Variants in SPMIP2 observed in about 807,000 individuals in gnomAD.
The protein encoded by SPMIP2 is protein SPMIP2.
At chr4:158,916,476 A>G in the SPMIP2 span, among the ~76,000 whole-genome samples, 1 of 152,140 alleles carries the variant, frequency 6.6e-6, no homozygotes, top group Non-Finnish European at 1.5e-5. Flanking sequence ...CTGTGGTGGG[A>G]GGGAAGTGAC....
chr4:159,049,277 G>A, the SPMIP2 span, among the ~76,000 whole-genome samples: 9 of 152,056 alleles, frequency 5.9e-5, no homozygotes, highest in Admixed American at 2.0e-4. Flanking sequence ...CTGTTCTTTC[G>A]CTGCACACAA....
chr4:158,987,961 G>T, the SPMIP2 span, among the ~76,000 whole-genome samples: 1 of 152,002 alleles, frequency 6.6e-6, no homozygotes, highest in Non-Finnish European at 1.5e-5. Context: ...CCAGGAGCTG[G>T]TTTTTTGAAA....
chr4:158,895,892 GTCCCTTTGATAGGTA>G, the SPMIP2 span: 1 of 1,515,362 alleles, frequency 6.6e-7, no homozygotes, highest in Middle Eastern at 1.7e-4. Context: ...GCCGTCACTT[GTCCCTTTGATAGGTA>G]TCCCTAGCAT....
chr4:159,058,218 G>A, the SPMIP2 span, among the ~76,000 whole-genome samples: 4 of 147,996 alleles, frequency 2.7e-5, no homozygotes, highest in South Asian at 2.2e-4. Flanking sequence ...TTCTTGTTAC[G>A]GTTGTTTTGA....
the SPMIP2 span, among the ~76,000 whole-genome samples, chr4:158,952,292 C>T: frequency 6.6e-6 from 1 of 152,098 alleles, no homozygotes; most frequent in Admixed American, 6.6e-5. Flanking sequence ...AATTGTACTC[C>T]CATAATTCCC....
At chr4:158,927,584 G>A in the SPMIP2 span, among the ~76,000 whole-genome samples, 16 of 152,206 alleles carry the variant, frequency 1.1e-4, no homozygotes, top group African/African-American at 3.9e-4. Context: ...TCCTCTGCCT[G>A]GGCTCCCACT....
At chr4:159,001,693 T>G in the SPMIP2 span, among the ~76,000 whole-genome samples, 1 of 152,246 alleles carries the variant, frequency 6.6e-6, no homozygotes, top group African/African-American at 2.4e-5. Context: ...TTCTTATGGC[T>G]GCATAGTATT....
chr4:158,962,107 C>T, the SPMIP2 span, among the ~76,000 whole-genome samples: 1 of 152,104 alleles, frequency 6.6e-6, no homozygotes, highest in African/African-American at 2.4e-5. Context: ...AAGGGAAATA[C>T]CTGCTAACTA....
the SPMIP2 span, among the ~76,000 whole-genome samples, chr4:159,067,645 C>A: frequency 2.0e-5 from 3 of 152,070 alleles, no homozygotes; most frequent in Non-Finnish European, 4.4e-5. Flanking sequence ...CAACAAAAGC[C>A]AAAATTGACA....
chr4:158,923,530 C>T, the SPMIP2 span, among the ~76,000 whole-genome samples: 1 of 126,442 alleles, frequency 7.9e-6, no homozygotes, highest in Non-Finnish European at 1.6e-5. Flanking sequence ...GTATTCATTG[C>T]TAATGTAAAA....
chr4:158,895,567 C>T, the SPMIP2 span, among the ~76,000 whole-genome samples: 1 of 152,170 alleles, frequency 6.6e-6, no homozygotes, highest in Non-Finnish European at 1.5e-5. Context: ...CTTTGTTTTA[C>T]AAGAACCTAT....
At chr4:159,007,266 T>A in the SPMIP2 span, 22 of 1,283,658 alleles carry the variant, frequency 1.7e-5, no homozygotes, top group Non-Finnish European at 2.3e-5. Flanking sequence ...TCTTGCAAGG[T>A]ACTGCCTCAA....
the SPMIP2 span, among the ~76,000 whole-genome samples, chr4:159,075,786 C>T: frequency 7.2e-6 from 1 of 138,614 alleles, no homozygotes; most frequent in African/African-American, 3.0e-5. Context: ...TAATTTGACT[C>T]ATCTTTTTTT....
At chr4:159,052,952 A>ATTTTT in the SPMIP2 span, among the ~76,000 whole-genome samples, 3 of 102,916 alleles carry the variant, frequency 2.9e-5, no homozygotes, top group African/African-American at 3.5e-5. Context: ...TATTATTATT[A>ATTTTT]TTATTTTTTT....
the SPMIP2 span, among the ~76,000 whole-genome samples, chr4:158,946,571 G>A: frequency 1.9e-4 from 29 of 151,934 alleles, no homozygotes; most frequent in Admixed American, 5.2e-4. Context: ...CTTCTCTTTC[G>A]CCTTCTGCCA....
At chr4:158,995,336 A>G in the SPMIP2 span, among the ~76,000 whole-genome samples, 1 of 152,252 alleles carries the variant, frequency 6.6e-6, no homozygotes, top group African/African-American at 2.4e-5. Flanking sequence ...TATTGTGTCA[A>G]CTAGGTAACT....
chr4:159,007,479 T>A, the SPMIP2 span: 1 of 722,474 alleles, frequency 1.4e-6, no homozygotes, highest in Non-Finnish European at 2.5e-6. Context: ...TGCATTCTAG[T>A]GATCACAGGG....
At chr4:159,014,173 G>A in the SPMIP2 span, among the ~76,000 whole-genome samples, 1 of 152,174 alleles carries the variant, frequency 6.6e-6, no homozygotes, top group African/African-American at 2.4e-5. Flanking sequence ...TGCAGCCCAG[G>A]GCCAGGTGCG....
chr4:158,914,323 A>C, the SPMIP2 span, among the ~76,000 whole-genome samples: 2 of 152,232 alleles, frequency 1.3e-5, no homozygotes, highest in Non-Finnish European at 2.9e-5. Context: ...GAGGACAGCT[A>C]AGTCTCCTGC....
Sources: allele counts gnomAD v4.1 joint callset (sites outside exome capture counted in the v4.1 genomes callset), GRCh38; gene constraint gnomAD v4.1.1; transcripts MANE v1.5; gene names NCBI Gene and HGNC (gene_info 2026-07-23, HGNC 2026-07-21).